Variants in STK32B observed in about 807,000 individuals in gnomAD.
The protein encoded by STK32B is serine/threonine-protein kinase 32B.
A neutral mutation model predicts 52.6 loss-of-function variants in STK32B; 43 were observed. The ratio of observed to expected loss-of-function variants is 0.82; its 90% CI spans 0.64 to 1.05. The LOEUF (loss-of-function observed/expected upper bound fraction) is 1.05, where lower values mean the gene tolerates loss of function less well. STK32B is among the 50% of genes least tolerant of loss of function. The pLI is 0.00. For synonymous variants in STK32B, 238 were observed against 204.3 expected, an observed-to-expected ratio of 1.17 and a Z score of -1.41; for missense variants, 621 against 534.6, an observed-to-expected ratio of 1.16 and a Z score of -1.59.
At chr4:5,221,225 G>A (rs769823672) in intron 3 of STK32B, among the ~76,000 whole-genome samples, 5 of 152,080 alleles carry the variant, frequency 3.3e-5, no homozygotes, top group Admixed American at 6.5e-5. Context: ...TCTGGAAGGC[G>A]GTAATAGGTG....
At chr4:5,373,052 C>G (rs1735356894) in intron 4 of STK32B, among the ~76,000 whole-genome samples, 1 of 152,016 alleles carries the variant, frequency 6.6e-6, no homozygotes, top group Non-Finnish European at 1.5e-5. Context: ...GCCTATAAAG[C>G]CAGAAAAAGC....
At chr4:5,475,361 G>A (rs113712568) in intron 11 of STK32B, among the ~76,000 whole-genome samples, 1 of 144,398 alleles carries the variant, frequency 6.9e-6, no homozygotes, top group African/African-American at 2.6e-5. Context: ...AGAGGCGGAG[G>A]TTGCAGTGAG....
intron 3 of STK32B, among the ~76,000 whole-genome samples, chr4:5,290,717 T>G (rs570988376): frequency 5.9e-5 from 9 of 152,088 alleles, no homozygotes; most frequent in Admixed American, 5.9e-4. Context: ...TATAAGACAT[T>G]TACACTGAAA....
intron 3 of STK32B, among the ~76,000 whole-genome samples, chr4:5,219,401 T>A (rs1216113872): frequency 6.6e-6 from 1 of 152,244 alleles, no homozygotes; most frequent in Non-Finnish European, 1.5e-5. Context: ...AGTTTAAAAG[T>A]TGGAAGCCCA....
chr4:5,469,034 G>C lies in STK32B; in HGVS notation c.1106+964G>C, dbSNP rs1717654820. 6.8e-6 allele frequency among the ~76,000 whole-genome samples: 1 copy of C among 146,446 alleles called. No homozygotes were observed. Among genetic ancestry groups the C allele is most frequent in the Non-Finnish European group, 1.5e-5 (1 of 67,146 alleles). On this transcript the variant is annotated intron_variant, in intron 11 of 11. Coordinates refer to ENST00000282908, the MANE Select transcript of STK32B (RefSeq NM_018401.3). This position sits in a 1 kb window ranked among gnomAD's most constrained non-coding sequence, Gnocchi z 4.7. ...ACACTGCACTCCAGCCTGGGCGACA[G>C]AGCAAGACTCCGTCTCAAAAAAAAA... is the stretch of plus-strand genomic sequence containing the variant.
chr4:5,322,987 A>C (rs1015296461), intron 3 of STK32B, among the ~76,000 whole-genome samples: 1 of 152,194 alleles, frequency 6.6e-6, no homozygotes, highest in Non-Finnish European at 1.5e-5. Context: ...ACCTTGGACC[A>C]GTCAACCTCT....
rs57481199 is a variant in STK32B at position 5,453,759 on chromosome 4, GTGGGGCA to G, written c.667-3044_667-3038del. Among the ~76,000 whole-genome samples, 8,537 of 152,076 alleles carry G rather than the reference GTGGGGCA, an allele frequency of 0.056. 447 individuals carry two copies. The highest frequency in any genetic ancestry group is 0.14 in the African/African-American group (5,660 of 41,458). On this transcript the variant is annotated intron_variant, in intron 7 of 11. Transcript: ENST00000282908. The surrounding 1 kb of genome is among the most constrained non-coding windows in gnomAD (Gnocchi z 4.0). ...TCTCTACTAAAAATAAAAAAGATTA[GTGGGGCA>G]TGGTGACGCGTGCCTGTAATCCCAG...
intron 2 of STK32B, among the ~76,000 whole-genome samples, chr4:5,159,645 GTATATGAATA>G (rs1560186118): frequency 4.1e-5 from 2 of 48,836 alleles, no homozygotes; most frequent in African/African-American, 3.3e-4. Context: ...ATATATGAAT[GTATATGAATA>G]TATATATGAA....
At chr4:5,497,659 G>GACTT (rs1375977210) in intron 11 of STK32B, among the ~76,000 whole-genome samples, 1 of 152,154 alleles carries the variant, frequency 6.6e-6, no homozygotes, top group African/African-American at 2.4e-5. Context: ...TTATCTGAAG[G>GACTT]ACTTACTCAA....
intron 1 of STK32B, among the ~76,000 whole-genome samples, chr4:5,099,905 G>A (rs764726685): frequency 6.6e-6 from 1 of 152,080 alleles, no homozygotes; most frequent in Non-Finnish European, 1.5e-5. Flanking sequence ...CCTGAGCCAG[G>A]AGTGACCAGA....
intron 1 of STK32B, among the ~76,000 whole-genome samples, chr4:5,121,096 C>T (rs1260963129): frequency 1.3e-5 from 2 of 152,112 alleles, no homozygotes; most frequent in Admixed American, 6.5e-5. Context: ...CCACTTCCAA[C>T]CTCCTCAAAG....
chr4:5,194,573 T>C (rs955014071), intron 3 of STK32B, among the ~76,000 whole-genome samples: 1 of 152,244 alleles, frequency 6.6e-6, no homozygotes, highest in Non-Finnish European at 1.5e-5. Context: ...TGCGTCGATC[T>C]TAGGAATTCT....
chr4:5,295,936 A>C (rs977388820), intron 3 of STK32B, among the ~76,000 whole-genome samples: 13 of 151,842 alleles, frequency 8.6e-5, no homozygotes, highest in Non-Finnish European at 1.8e-4. Context: ...ACACTGCTTT[A>C]ACTGTCTCCC....
intron 3 of STK32B, among the ~76,000 whole-genome samples, chr4:5,319,912 T>A (rs1240775916): frequency 6.6e-6 from 1 of 152,120 alleles, no homozygotes; most frequent in African/African-American, 2.4e-5. Flanking sequence ...CCTCAGACCT[T>A]GCCCCACTTA....
intron 3 of STK32B, among the ~76,000 whole-genome samples, chr4:5,323,061 G>T (rs1731623781): frequency 6.6e-6 from 1 of 152,138 alleles, no homozygotes; most frequent in Non-Finnish European, 1.5e-5. Context: ...ACGGTTAGTT[G>T]GGACAAGTGT....
Position 5,293,418 on chromosome 4 carries a change from C to T in STK32B, c.261-37802C>T, listed in dbSNP as rs181723428. Among the ~76,000 whole-genome samples, 526 of 152,118 alleles carry T rather than the reference C, an allele frequency of 3.5e-3. 1 individual carries two copies. Among genetic ancestry groups the T allele is most frequent in the African/African-American group, 0.011 (461 of 41,530 alleles). ...TTCACTCCCACCAACAGTGTAAAAG[C>T]GTTCCTATTTCTCCACATCCTCTCC... On this transcript the variant is annotated intron_variant, in intron 3 of 11. Coordinates refer to ENST00000282908, the MANE Select transcript of STK32B (RefSeq NM_018401.3).
At chr4:5,162,276 G>A (rs1441808122) in intron 2 of STK32B, among the ~76,000 whole-genome samples, 1 of 152,198 alleles carries the variant, frequency 6.6e-6, no homozygotes, top group African/African-American at 2.4e-5. Context: ...GAAGATTGCA[G>A]TGAAATCATT....
At chr4:5,155,924 C>CACA (rs1560182867) in intron 2 of STK32B, among the ~76,000 whole-genome samples, 3 of 152,046 alleles carry the variant, frequency 2.0e-5, no homozygotes, top group Non-Finnish European at 4.4e-5. Context: ...TACACAGTGT[C>CACA]TAAGCAATAT....
chr4:5,278,800 C>T lies in STK32B; in HGVS notation c.261-52420C>T, dbSNP rs570497633. ...GGCTGGGAAGACCTCAGGAAGCTTA[C>T]AGTTAATGGCAGAAGGGGAAGCAGG... On this transcript the variant is annotated intron_variant, in intron 3 of 11. Transcript: ENST00000282908. 6.8e-4 allele frequency among the ~76,000 whole-genome samples: 103 copies of T among 152,206 alleles called. 1 individual carries two copies. Among genetic ancestry groups the T allele is most frequent in the African/African-American group, 2.4e-3 (98 of 41,530 alleles).
Sources: allele counts gnomAD v4.1 joint callset (sites outside exome capture counted in the v4.1 genomes callset), GRCh38; gene constraint gnomAD v4.1.1; non-coding constraint Gnocchi (gnomAD v3.1); transcripts MANE v1.5; gene names NCBI Gene and HGNC (gene_info 2026-07-23, HGNC 2026-07-21).